Variants in DAAM1 observed in about 807,000 individuals in gnomAD.
DAAM1 encodes the protein dishevelled associated activator of morphogenesis 1.
In DAAM1, 52 loss-of-function variants were observed where a neutral mutation model predicts 130.0. The ratio of observed to expected loss-of-function variants is 0.40; its 90% CI spans 0.32 to 0.50. The LOEUF (loss-of-function observed/expected upper bound fraction) is 0.50. DAAM1 is among the 20% of genes least tolerant of loss of function. The pLI is 0.61. For synonymous variants in DAAM1, 452 were observed against 444.5 expected, an observed-to-expected ratio of 1.02 and a Z score of -0.21; for missense variants, 1,134 against 1,303.8, an observed-to-expected ratio of 0.87 and a Z score of 2.01.
chr14:59,369,031 A>ATAGATGTCTGAGTGTTGTCTGGAGACCT lies in DAAM1; in HGVS notation c.*173_*200dup, dbSNP rs1200841105. ...TGTGTGTATATATTAAAAAATGTAT[A>ATAGATGTCTGAGTGTTGTCTGGAGACCT]TAGATGTCTGAGTGTTGTCTGGAGA... is the stretch of plus-strand genomic sequence containing the variant. On this transcript the variant is annotated 3_prime_UTR_variant, in exon 25 of 25. Transcript: ENST00000360909. 1.7e-6 allele frequency: 1 copy of ATAGATGTCTGAGTGTTGTCTGGAGACCT among 602,532 alleles called. No homozygotes were observed. The highest frequency in any genetic ancestry group is 2.8e-5 in the East Asian group (1 of 35,228). 37.3% of individuals were successfully genotyped at this position (602,532 alleles called of 1,614,324 possible).
At chr14:59,296,353 TG>T (rs1354699282) in intron 3 of DAAM1, among the ~76,000 whole-genome samples, 2 of 152,120 alleles carry the variant, frequency 1.3e-5, no homozygotes, top group Non-Finnish European at 2.9e-5. Flanking sequence ...ACCAAAGCAA[TG>T]CAGTTGGTGA....
intron 14 of DAAM1, 138 bp downstream of exon 14, chr14:59,331,646 A>G: frequency 6.7e-7 from 1 of 1,503,310 alleles, no homozygotes; most frequent in Non-Finnish European, 8.9e-7. Flanking sequence ...TAGCTCAGAT[A>G]TTTAAGTGAT....
intron 1 of DAAM1, among the ~76,000 whole-genome samples, chr14:59,234,972 C>T (rs1011029189): frequency 6.6e-6 from 1 of 152,046 alleles, no homozygotes; most frequent in African/African-American, 2.4e-5. Context: ...TTGAACCAAC[C>T]TTGCATCCCA....
chr14:59,368,002 A>C (rs540705661), intron 24 of DAAM1, among the ~76,000 whole-genome samples: 11 of 152,148 alleles, frequency 7.2e-5, no homozygotes, highest in African/African-American at 2.7e-4. Flanking sequence ...ACATGTATTC[A>C]AAGAATAATG....
At chr14:59,246,788 G>C (rs149960763) in intron 1 of DAAM1, among the ~76,000 whole-genome samples, 1 of 152,010 alleles carries the variant, frequency 6.6e-6, no homozygotes, top group African/African-American at 2.4e-5. Flanking sequence ...TTTGACTTGC[G>C]TTGCTCTAAT....
At chr14:59,325,554 T>C in intron 8 of DAAM1, 110 bp from the exon 9 acceptor site, 1 of 928,204 alleles carries the variant, frequency 1.1e-6, no homozygotes, top group Non-Finnish European at 1.6e-6. Flanking sequence ...TGTTCCTTTT[T>C]GAGATATCTC....
chr14:59,302,778 C>T (rs774726259), intron 3 of DAAM1, among the ~76,000 whole-genome samples: 3 of 152,088 alleles, frequency 2.0e-5, no homozygotes, highest in Admixed American at 6.5e-5. Flanking sequence ...CTCAGCCTCC[C>T]GAGTAGGTGG....
intron 3 of DAAM1, among the ~76,000 whole-genome samples, chr14:59,312,243 C>A (rs17833972): frequency 0.14 from 20,935 of 152,162 alleles, 1,617 homozygotes; most frequent in Middle Eastern, 0.2. Context: ...ACTGAATGGA[C>A]ATAACTGGAG....
At chr14:59,223,976 A>G (rs1888857980) in intron 1 of DAAM1, among the ~76,000 whole-genome samples, 1 of 152,196 alleles carries the variant, frequency 6.6e-6, no homozygotes, top group Non-Finnish European at 1.5e-5. Flanking sequence ...GTAATGGTCC[A>G]GTGTGATGTC....
intron 1 of DAAM1, among the ~76,000 whole-genome samples, chr14:59,253,394 T>TA: frequency 6.6e-6 from 1 of 152,244 alleles, no homozygotes; most frequent in Non-Finnish European, 1.5e-5. Flanking sequence ...AGGCTAATTT[T>TA]AACCAAGAAT....
At chr14:59,325,338 G>T (rs1417903749) in intron 8 of DAAM1, among the ~76,000 whole-genome samples, 1 of 152,150 alleles carries the variant, frequency 6.6e-6, no homozygotes, top group Non-Finnish European at 1.5e-5. Context: ...TTAAGTGTAG[G>T]TATATGGGCA....
rs1312036580 is a variant in DAAM1, at chr14:59,331,432, G to A, written c.1784G>A (p.Gly595Asp). The A allele has an allele frequency of 3.1e-6, 5 of 1,613,772 alleles. No individual in the cohort carries two copies. In the African/African-American group the frequency reaches 6.7e-5, roughly 22 times the overall value. The change falls in exon 14 of 25, where the codon GGC becomes GAC. Residue 595 changes from glycine (G) to aspartate (D), a missense_variant. Gly to Asp is a moderately conservative substitution (Grantham distance 94). Around this residue, in one of 3 missense-constraint regions of DAAM1, gnomAD observed 644 missense variants for 695.9 expected, o/e 0.93. Coordinates refer to ENST00000360909, the MANE Select transcript of DAAM1 (RefSeq NM_001270520.2). ...ATGCCACCTCCTGGTGCTCCAATGG[G>A]CCTAGCACTGAAGAAGAAAAGCATT... ...AIMPPPGAPMGLALKKKSIPQ... is the reference protein window; with the variant it reads ...AIMPPPGAPMDLALKKKSIPQ...
At chr14:59,362,743 C>T (rs1213463903) in intron 22 of DAAM1, 6 of 152,084 alleles carry the variant, frequency 3.9e-5, no homozygotes, top group South Asian at 4.2e-4. Flanking sequence ...GTGATGACTA[C>T]GCTCCTGCTT....
At chr14:59,209,125 T>C (rs1341754330) in intron 1 of DAAM1, among the ~76,000 whole-genome samples, 1 of 152,224 alleles carries the variant, frequency 6.6e-6, no homozygotes, top group Non-Finnish European at 1.5e-5. Context: ...GTTTCTCCTT[T>C]CATAAATATT....
At chr14:59,216,064 G>A (rs1888569359) in intron 1 of DAAM1, among the ~76,000 whole-genome samples, 1 of 152,090 alleles carries the variant, frequency 6.6e-6, no homozygotes, top group Non-Finnish European at 1.5e-5. Flanking sequence ...CTACACACAG[G>A]TGGAGTCTAG....
intron 3 of DAAM1, among the ~76,000 whole-genome samples, chr14:59,292,554 C>T (rs545161170): frequency 2.8e-4 from 43 of 152,346 alleles, no homozygotes; most frequent in African/African-American, 9.4e-4. Context: ...ATCTTTGTAA[C>T]GCCAGCATCT....
At chr14:59,270,721 T>A (rs1882674016) in intron 2 of DAAM1, among the ~76,000 whole-genome samples, 1 of 152,158 alleles carries the variant, frequency 6.6e-6, no homozygotes, top group African/African-American at 2.4e-5. Flanking sequence ...CCCCCTGCAA[T>A]AGACTTCTGC....
chr14:59,216,880 T>C (rs1888597358), intron 1 of DAAM1, among the ~76,000 whole-genome samples: 1 of 151,610 alleles, frequency 6.6e-6, no homozygotes, highest in South Asian at 2.1e-4. Context: ...CTATAAAGAA[T>C]TGAATTTTAA....
At chr14:59,273,039 G>T (rs923765348) in intron 2 of DAAM1, among the ~76,000 whole-genome samples, 5 of 152,282 alleles carry the variant, frequency 3.3e-5, no homozygotes, top group Admixed American at 6.5e-5. Context: ...AAACAGTAGG[G>T]TTGGCAGTAG....
Sources: gnomAD v4.1 joint callset for allele counts (sites outside exome capture counted in the v4.1 genomes callset) on GRCh38, gnomAD v4.1.1 for gene constraint, gnomAD v4.1.1 regional missense constraint, MANE v1.5 for transcripts, NCBI Gene and HGNC (gene_info 2026-07-23, HGNC 2026-07-21) for gene names.